Variants in THSD7B observed in about 807,000 individuals in gnomAD.
The protein encoded by THSD7B is thrombospondin type 1 domain containing 7B.
Under a neutral mutation model 213.6 loss-of-function variants are expected in THSD7B, and 138 were observed. The observed-to-expected ratio is 0.65, with a 90% confidence interval of 0.56 to 0.74. The LOEUF (loss-of-function observed/expected upper bound fraction) is 0.74, where lower values mean the gene tolerates loss of function less well. THSD7B is among the 30% of genes least tolerant of loss of function. The pLI is 0.00. For missense variants in THSD7B, 1,931 were observed against 1,991.5 expected, an observed-to-expected ratio of 0.97 and a Z score of 0.58; for synonymous variants, 742 against 687.0, an observed-to-expected ratio of 1.08 and a Z score of -1.25.
At chr2:137,485,910 A>G (rs1170225952) in intron 15 of THSD7B, among the ~76,000 whole-genome samples, 1 of 152,122 alleles carries the variant, frequency 6.6e-6, no homozygotes, top group African/African-American at 2.4e-5. Context: ...TCATAAGTGA[A>G]GGAGAAACAA....
rs182423907 is a variant in THSD7B at position 137,125,074 on chromosome 2, T to G, written c.1369+9781T>G. 1.3e-3 allele frequency among the ~76,000 whole-genome samples: 201 copies of G among 152,342 alleles called. 2 individuals are homozygous for G. Among genetic ancestry groups the G allele is most frequent in the Non-Finnish European group, 2.1e-4 (14 of 68,022 alleles). On this transcript the variant is annotated intron_variant, in intron 5 of 27. Transcript: ENST00000409968. ...CAGTTCTGGACACAGCCATTTCTAT[T>G]TGAATAATCTATGGGCATTTACAAT...
At chr2:136,985,188 A>T (rs1039884903) in intron 2 of THSD7B, among the ~76,000 whole-genome samples, 11 of 152,158 alleles carry the variant, frequency 7.2e-5, no homozygotes, top group African/African-American at 2.7e-4. Flanking sequence ...TGGAGCAACT[A>T]CTTGCTAGAG....
rs559407668 is a variant in THSD7B, at chr2:137,290,406, G to C, written c.2500+14380G>C. ...GCCCAGCCCAAAGAGTTTTCTTTCTGAGAGTCCGTAACTCTACTCCTGTTT... is the reference window on the plus strand; with the variant it reads ...GCCCAGCCCAAAGAGTTTTCTTTCTCAGAGTCCGTAACTCTACTCCTGTTT... On this transcript the variant is annotated intron_variant, in intron 12 of 27. Transcript: ENST00000409968. Among the ~76,000 whole-genome samples, 6 of 152,168 alleles carry C rather than the reference G, an allele frequency of 3.9e-5. No homozygotes were observed. In the South Asian group the frequency reaches 1.3e-3, roughly 32 times the overall value.
At chr2:137,532,556 G>C (rs1480150148) in intron 15 of THSD7B, among the ~76,000 whole-genome samples, 2 of 151,718 alleles carry the variant, frequency 1.3e-5, no homozygotes, top group African/African-American at 4.8e-5. Flanking sequence ...CCGTATTATA[G>C]AGTGCAAAAA....
At chr2:136,845,933 T>C (rs1337298125) in intron 1 of THSD7B, among the ~76,000 whole-genome samples, 1 of 152,202 alleles carries the variant, frequency 6.6e-6, no homozygotes, top group East Asian at 1.9e-4. Context: ...AAAGGGGTAT[T>C]GGGATCATTC....
chr2:137,353,928 TG>T (rs911060382), intron 12 of THSD7B, among the ~76,000 whole-genome samples: 1 of 152,096 alleles, frequency 6.6e-6, no homozygotes, highest in Non-Finnish European at 1.5e-5. Flanking sequence ...TCAATCTTTG[TG>T]CCAGTTTTCA....
chr2:136,995,121 G>A (rs2104819338), intron 2 of THSD7B, among the ~76,000 whole-genome samples: 1 of 152,324 alleles, frequency 6.6e-6, no homozygotes, highest in South Asian at 2.1e-4. Flanking sequence ...CTGGAGTAGA[G>A]TAGGGTAGAA....
chr2:137,506,678 C>T (rs1679842944), intron 15 of THSD7B, among the ~76,000 whole-genome samples: 1 of 152,228 alleles, frequency 6.6e-6, no homozygotes, highest in African/African-American at 2.4e-5. Context: ...GGACATTCTT[C>T]TCTTCAGCAC....
At chr2:136,944,440 T>C (rs964456802) in intron 2 of THSD7B, among the ~76,000 whole-genome samples, 8 of 152,196 alleles carry the variant, frequency 5.3e-5, no homozygotes, top group African/African-American at 1.9e-4. Context: ...ATATCCTTGT[T>C]AACCTTCTGT....
At chr2:137,096,460 T>C (rs997459628) in intron 4 of THSD7B, among the ~76,000 whole-genome samples, 3 of 152,152 alleles carry the variant, frequency 2.0e-5, no homozygotes, top group African/African-American at 7.2e-5. Context: ...CACTTCCCAG[T>C]TGGAACTAGT....
At chr2:137,581,824 A>G (rs897751072) in intron 17 of THSD7B, among the ~76,000 whole-genome samples, 5 of 151,206 alleles carry the variant, frequency 3.3e-5, no homozygotes, top group Admixed American at 1.3e-4. Flanking sequence ...TCTGCTGGGC[A>G]TGGTGGCTTA....
At chr2:137,413,121 T>G (rs71419546) in intron 14 of THSD7B, among the ~76,000 whole-genome samples, 1,761 of 152,286 alleles carry the variant, frequency 0.012, 18 homozygotes, top group Non-Finnish European at 0.018. Flanking sequence ...ACAATGAGAT[T>G]TAATGACTTT....
rs1031176560 is a variant in THSD7B, at chr2:137,554,601, G to C, written c.3139-8620G>C. Among the ~76,000 whole-genome samples, 22 of 152,234 alleles carry C rather than the reference G, an allele frequency of 1.4e-4. 1 individual carries two copies. The highest frequency in any genetic ancestry group is 5.1e-4 in the African/African-American group (21 of 41,554). On this transcript the variant is annotated intron_variant, in intron 15 of 27. Coordinates refer to ENST00000409968, the MANE Select transcript of THSD7B (RefSeq NM_001316349.2). ...AGATGGCCGAATAGGATCAGCTCCA[G>C]TCTACAGCTCCCAATGTGAGTGATG...
At chr2:137,617,329 A>G (rs1682425213) in intron 18 of THSD7B, among the ~76,000 whole-genome samples, 1 of 152,184 alleles carries the variant, frequency 6.6e-6, no homozygotes, top group Admixed American at 6.5e-5. Context: ...AAATTTCTTT[A>G]AAGAGTTTTT....
intron 15 of THSD7B, among the ~76,000 whole-genome samples, chr2:137,530,942 GAACTT>G (rs1432605255): frequency 1.3e-5 from 2 of 151,968 alleles, no homozygotes; most frequent in Non-Finnish European, 2.9e-5. Flanking sequence ...AGATTAAAGA[GAACTT>G]AACATTGATC....
intron 12 of THSD7B, among the ~76,000 whole-genome samples, chr2:137,303,070 A>C (rs1429774042): frequency 6.6e-6 from 1 of 152,184 alleles, no homozygotes; most frequent in Non-Finnish European, 1.5e-5. Context: ...TGGCACAATC[A>C]TAGCTCACCA....
chr2:137,374,559 AT>A (rs1685608116), intron 12 of THSD7B, among the ~76,000 whole-genome samples: 1 of 152,170 alleles, frequency 6.6e-6, no homozygotes, highest in Admixed American at 6.6e-5. Flanking sequence ...CTTCTAAGTG[AT>A]GTATGAATTT....
intron 7 of THSD7B, among the ~76,000 whole-genome samples, chr2:137,189,810 T>G (rs1287040388): frequency 1.3e-5 from 2 of 152,118 alleles, no homozygotes; most frequent in African/African-American, 4.8e-5. Context: ...CACAAACTTC[T>G]TACTGCATGG....
intron 12 of THSD7B, among the ~76,000 whole-genome samples, chr2:137,341,944 A>T (rs1684771515): frequency 6.6e-6 from 1 of 151,022 alleles, no homozygotes; most frequent in Admixed American, 6.6e-5. Flanking sequence ...TTGTTTTTTT[A>T]TCATGATTGT....
Sources: gnomAD v4.1 joint callset for allele counts (sites outside exome capture counted in the v4.1 genomes callset) on GRCh38, gnomAD v4.1.1 for gene constraint, MANE v1.5 for transcripts, NCBI Gene and HGNC (gene_info 2026-07-23, HGNC 2026-07-21) for gene names.